The following SPAG1 variants were observed in gnomAD, a reference collection of about 807,000 sequenced individuals.
SPAG1 encodes sperm associated antigen 1.
In SPAG1, 69 loss-of-function variants were observed where a neutral mutation model predicts 100.5. The observed-to-expected ratio is 0.69, with a 90% CI of 0.57 to 0.84. The LOEUF (loss-of-function observed/expected upper bound fraction) is 0.84, where lower values mean the gene tolerates loss of function less well. Among genes scored for constraint, SPAG1 ranks in the 40% least tolerant of loss-of-function variants. The pLI is 0.00. For synonymous variants in SPAG1, 336 were observed against 411.6 expected, an observed-to-expected ratio of 0.82 and a Z score of 2.22; for missense variants, 955 against 1,133.1, an observed-to-expected ratio of 0.84 and a Z score of 2.26.
chr8:100,213,144 A>G lies in SPAG1; in HGVS notation c.1151A>G (p.Asn384Ser), dbSNP rs1817802725. The part of the protein sequence containing the change: ...ARAAQPCVMG[N>S]IQKKLTGKAE... ...GCCGCCCAGCCGTGCGTCATGGGCA[A>G]CATCCAGAAGAAGCTGACTGGCAAA... The change falls in exon 11 of 19, where the codon AAC becomes AGC. Residue 384 changes from asparagine (N) to serine (S), a missense_variant. Coordinates refer to ENST00000388798, the MANE Select transcript of SPAG1 (RefSeq NM_003114.5). 6.7e-7 allele frequency: 1 copy of G among 1,484,710 alleles called. No individual in the cohort carries two copies. The highest frequency in any genetic ancestry group is 8.9e-7 in the Non-Finnish European group (1 of 1,124,458). 92.0% of individuals were successfully genotyped at this position (1,484,710 alleles called of 1,614,324 possible). A position where few individuals can be genotyped will look rare whatever the true frequency, so the allele number is the denominator to read the frequency against.
intron 15 of SPAG1, 24 bp from the exon 16 acceptor site, chr8:100,233,387 C>T: frequency 6.2e-7 from 1 of 1,612,204 alleles, no homozygotes; most frequent in Non-Finnish European, 8.5e-7. Flanking sequence ...TTTCATAATA[C>T]TGAGTTCCAT....
At chr8:100,200,409 G>A (rs1277858854) in intron 10 of SPAG1, among the ~76,000 whole-genome samples, 7 of 152,136 alleles carry the variant, frequency 4.6e-5, no homozygotes, top group East Asian at 1.9e-4. Flanking sequence ...ATAAACATAC[G>A]TGTGCATGTG....
At chr8:100,231,603 G>C (rs1300868366) in intron 15 of SPAG1, among the ~76,000 whole-genome samples, 1 of 152,176 alleles carries the variant, frequency 6.6e-6, no homozygotes, top group Non-Finnish European at 1.5e-5. Flanking sequence ...TGCCGGCCTC[G>C]TTGCAGCTAG....
At chr8:100,185,442 T>A (rs1816545081) in intron 7 of SPAG1, among the ~76,000 whole-genome samples, 1 of 152,162 alleles carries the variant, frequency 6.6e-6, no homozygotes, top group Non-Finnish European at 1.5e-5. Flanking sequence ...TTACCTCTCC[T>A]TTGTAGCACT....
chr8:100,229,774 T>G (rs1030950536), intron 14 of SPAG1, among the ~76,000 whole-genome samples: 2 of 152,216 alleles, frequency 1.3e-5, no homozygotes, highest in African/African-American at 2.4e-5. Context: ...ACTCTGATTG[T>G]AGATAACAGA....
At position 100,165,987 on chromosome 8, in the gene SPAG1, C is replaced by A. The variant is rs780912079; in HGVS notation, c.300+14C>A. The A allele has an allele frequency of 1.3e-6, 2 of 1,585,026 alleles. No homozygotes were observed. The highest frequency in any genetic ancestry group is 1.8e-5 in the Admixed American group (1 of 56,074). The stretch of plus-strand genomic sequence containing the variant: ...GGTGATATAAAGGTATATAGTAATA[C>A]CAATTTTCCATAGATATTGTTGAGA... On this transcript the variant is annotated intron_variant, in intron 3 of 18. Transcript: ENST00000388798.
At chr8:100,215,422 T>C (rs1817935494) in intron 12 of SPAG1, among the ~76,000 whole-genome samples, 1 of 152,252 alleles carries the variant, frequency 6.6e-6, no homozygotes, top group African/African-American at 2.4e-5. Flanking sequence ...CTTACTCCTG[T>C]TGTCTCATAT....
At chr8:100,212,579 G>A (rs1817760446) in intron 10 of SPAG1, among the ~76,000 whole-genome samples, 1 of 152,186 alleles carries the variant, frequency 6.6e-6, no homozygotes, top group South Asian at 2.1e-4. Flanking sequence ...TGCCTAATTT[G>A]TGACTTTTTT....
chr8:100,213,111 C>T lies in SPAG1; in HGVS notation c.1118C>T (p.Ala373Val). The change falls in exon 11 of 19, where the codon GCC becomes GTC. Residue 373 changes from alanine (A) to valine (V), a missense_variant. By Grantham distance (64) the Ala-to-Val change is moderately conservative. Transcript: ENST00000388798. The stretch of plus-strand genomic sequence containing the variant: ...ACAGAGCCCGCGGAGCCGGCGGGAG[C>T]CGCGCGCGCCGCCCAGCCGTGCGTC... ...GDKKPAEPAG[A>V]ARAAQPCVMG... The T allele has an allele frequency of 6.8e-7, 1 of 1,481,282 alleles. No homozygotes were observed. The highest frequency in any genetic ancestry group is 3.0e-5 in the East Asian group (1 of 33,584). The allele number at this position is 1,481,282 out of a possible 1,614,324, so 91.8% of individuals were successfully genotyped here. A position where few individuals can be genotyped will look rare whatever the true frequency, so the allele number is the denominator to read the frequency against.
At chr8:100,220,452 A>T (rs900367033) in intron 13 of SPAG1, 21 bp downstream of exon 13, 2 of 1,596,592 alleles carry the variant, frequency 1.3e-6, no homozygotes, top group Non-Finnish European at 1.7e-6. Context: ...TGAGGCAGCT[A>T]CCTAAAATCT....
At chr8:100,170,684 A>G (rs986239216) in intron 3 of SPAG1, among the ~76,000 whole-genome samples, 1 of 152,030 alleles carries the variant, frequency 6.6e-6, no homozygotes, top group Non-Finnish European at 1.5e-5. Context: ...ATATCCTGCA[A>G]TTTTGTTAAA....
At chr8:100,196,113 T>A (rs28660662) in intron 10 of SPAG1, among the ~76,000 whole-genome samples, 9,593 of 152,268 alleles carry the variant, frequency 0.063, 975 homozygotes, top group African/African-American at 0.22. Context: ...AGTTTATACA[T>A]TCGGTTATTC....
chr8:100,164,380 G>A (rs1265191660), intron 2 of SPAG1, among the ~76,000 whole-genome samples: 1 of 152,090 alleles, frequency 6.6e-6, no homozygotes, highest in Non-Finnish European at 1.5e-5. Flanking sequence ...AAATTTATAT[G>A]ATACATGAGA....
intron 14 of SPAG1, among the ~76,000 whole-genome samples, chr8:100,229,441 AAAAC>A (rs1223218130): frequency 1.6e-4 from 24 of 151,362 alleles, no homozygotes; most frequent in African/African-American, 5.4e-4. Context: ...AAAACAAAAC[AAAAC>A]AAAAAAAAAC....
intron 3 of SPAG1, among the ~76,000 whole-genome samples, chr8:100,177,432 T>C (rs1422437947): frequency 6.6e-6 from 1 of 152,224 alleles, no homozygotes; most frequent in Non-Finnish European, 1.5e-5. Flanking sequence ...CTTTTTTTTT[T>C]TACATTTCTC....
In SPAG1 at chr8:100,162,406, T is replaced by G; in HGVS notation, c.126T>G (p.Ile42Met). The change falls in exon 2 of 19, where the codon ATT (isoleucine) becomes ATG (methionine). Residue 42 changes from isoleucine to methionine, a missense_variant. Physicochemically the swap from Ile to Met is conservative, Grantham distance 10. Coordinates refer to ENST00000388798, the MANE Select transcript of SPAG1 (RefSeq NM_003114.5). Reference protein sequence around the residue: ...KCSDVKHLEKILCVLRSGEEG... With the variant: ...KCSDVKHLEKMLCVLRSGEEG... ...CAGATGTTAAACATCTGGAAAAAAT[T>G]CTTTGCGTGCTCAGGTAAGCATTTT... 8 of 1,582,608 alleles carry G rather than the reference T, an allele frequency of 5.1e-6. No individual in the cohort carries two copies. Among genetic ancestry groups the G allele is most frequent in the Non-Finnish European group, 5.1e-6 (6 of 1,169,860 alleles).
At chr8:100,160,027 G>A (rs2453647) in intron 1 of SPAG1, among the ~76,000 whole-genome samples, 57,326 of 151,942 alleles carry the variant, frequency 0.38, 11,096 homozygotes, top group East Asian at 0.51. Flanking sequence ...AAACCTACCC[G>A]GTACAGTAAT....
At position 100,177,871 on chromosome 8, in the gene SPAG1, A is replaced by G; in HGVS notation, c.356A>G (p.Glu119Gly). The change falls in exon 4 of 19, where the codon GAG becomes GGG. Residue 119 changes from glutamate (E) to glycine (G), a missense_variant. Transcript: ENST00000388798. ...GATAAAATGCACTTTCATGAAACTG[A>G]GACATTTCCAGCAATGAAAGATAAT... ...EEDKMHFHET[E>G]TFPAMKDNLP... 6.3e-7 allele frequency: 1 copy of G among 1,597,246 alleles called. No homozygotes were observed. The highest frequency in any genetic ancestry group is 8.6e-7 in the Non-Finnish European group (1 of 1,164,774).
At chr8:100,207,994 C>G (rs991272995) in intron 10 of SPAG1, among the ~76,000 whole-genome samples, 12 of 152,230 alleles carry the variant, frequency 7.9e-5, no homozygotes, top group Non-Finnish European at 1.6e-4. Context: ...CTCTTCCCCC[C>G]ATAGCCAGGA....
Sources: allele counts gnomAD v4.1 joint callset (sites outside exome capture counted in the v4.1 genomes callset), GRCh38; gene constraint gnomAD v4.1.1; transcripts MANE v1.5; gene names NCBI Gene and HGNC (gene_info 2026-07-23, HGNC 2026-07-21).